WWOX: variants seen among roughly 807,000 people sequenced by gnomAD.
WWOX encodes the protein WW domain containing oxidoreductase, also known as WW domain-containing oxidoreductase.
In WWOX, 69 loss-of-function variants were observed where a neutral mutation model predicts 46.2. The observed-to-expected ratio is 1.49, with a 90% CI of 1.23 to 1.82. WWOX has a LOEUF of 1.82. WWOX is among the 40% of genes most tolerant of loss of function. The pLI, the probability that WWOX is intolerant of heterozygous loss-of-function variation, is 0.00. For missense variants in WWOX, 919 were observed against 542.6 expected, an observed-to-expected ratio of 1.69 and a Z score of -6.89; for synonymous variants, 359 against 202.6, an observed-to-expected ratio of 1.77 and a Z score of -6.56.
chr16:79,069,359 TG>T (rs1301669758), intron 8 of WWOX, among the ~76,000 whole-genome samples: 1 of 152,210 alleles, frequency 6.6e-6, no homozygotes, highest in East Asian at 1.9e-4. Context: ...GCCCAGTGAT[TG>T]GGAACAAATT....
At chr16:79,138,043 G>C (rs950831666) in intron 8 of WWOX, among the ~76,000 whole-genome samples, 1 of 152,202 alleles carries the variant, frequency 6.6e-6, no homozygotes, top group Non-Finnish European at 1.5e-5. Flanking sequence ...CATGGACCCT[G>C]TGGGTTCTTG....
chr16:79,046,962 C>T (rs947855880), intron 8 of WWOX, among the ~76,000 whole-genome samples: 1 of 152,144 alleles, frequency 6.6e-6, no homozygotes, highest in East Asian at 1.9e-4. Context: ...GTAAAAGTAA[C>T]CCCCAGCCTG....
At chr16:79,171,543 G>A (rs544606473) in intron 8 of WWOX, among the ~76,000 whole-genome samples, 79 of 152,224 alleles carry the variant, frequency 5.2e-4, no homozygotes, top group African/African-American at 1.7e-3. Context: ...AAATAAGAAT[G>A]GTAGCCCCCA....
At chr16:78,520,856 T>C (rs1382484844) in intron 8 of WWOX, among the ~76,000 whole-genome samples, 1 of 152,162 alleles carries the variant, frequency 6.6e-6, no homozygotes, top group Non-Finnish European at 1.5e-5. Context: ...GAGCCTTGGT[T>C]GTATCTTATA....
chr16:78,498,214 A>AAAATAAAAAAG lies in WWOX; in HGVS notation c.1056+65465_1056+65466insTAAAAAAGAAA, dbSNP rs771142388. 2.3e-4 allele frequency among the ~76,000 whole-genome samples: 30 copies of AAAATAAAAAAG among 128,216 alleles called. 3 individuals are homozygous for AAAATAAAAAAG. The highest frequency in any genetic ancestry group is 7.7e-4 in the African/African-American group (28 of 36,164). 84.1% of individuals were successfully genotyped at this position (128,216 alleles called of 152,430 possible). ...AGCAAGACTCCATCTCAAAAAAAAA[A>AAAATAAAAAAG]AAAAGAAAAAAAAGCATCAGGGTTG... On this transcript the variant is annotated intron_variant, in intron 8 of 8. Coordinates refer to ENST00000566780, the MANE Select transcript of WWOX (RefSeq NM_016373.4).
chr16:78,905,999 G>A (rs1287342056), intron 8 of WWOX, among the ~76,000 whole-genome samples: 1 of 152,164 alleles, frequency 6.6e-6, no homozygotes, highest in Non-Finnish European at 1.5e-5. Flanking sequence ...GTAATATTTT[G>A]ATAAGTATTT....
At chr16:78,928,738 T>A (rs916156932) in intron 8 of WWOX, among the ~76,000 whole-genome samples, 1 of 152,204 alleles carries the variant, frequency 6.6e-6, no homozygotes, top group African/African-American at 2.4e-5. Flanking sequence ...TTTATGGACC[T>A]GCATTGCTGT....
intron 8 of WWOX, among the ~76,000 whole-genome samples, chr16:78,437,617 G>A (rs778589769): frequency 2.0e-5 from 3 of 152,156 alleles, no homozygotes; most frequent in Non-Finnish European, 4.4e-5. Flanking sequence ...GTATTGGGGC[G>A]TCCTGGGAGG....
At chr16:78,904,775 C>T (rs936675802) in intron 8 of WWOX, among the ~76,000 whole-genome samples, 6 of 152,174 alleles carry the variant, frequency 3.9e-5, no homozygotes, top group African/African-American at 4.8e-5. Flanking sequence ...CTAAAATTCT[C>T]GGGCCTTTGC....
At chr16:78,501,193 C>CTCTCTTTTTTT (rs1567609023) in intron 8 of WWOX, among the ~76,000 whole-genome samples, 16 of 90,938 alleles carry the variant, frequency 1.8e-4, no homozygotes, top group East Asian at 3.5e-4. Flanking sequence ...CTTTCTTTCT[C>CTCTCTTTTTTT]TTTTTTTTTT....
In WWOX at chr16:78,529,044, C is replaced by G. The variant is rs1169617304; in HGVS notation, c.1056+96292C>G. ...TCTTGGCTTACTATAGCCTTGACCTCTCTGGCTCCAGTGATCCTCCCACCT... is the reference window on the plus strand; with the variant it reads ...TCTTGGCTTACTATAGCCTTGACCTGTCTGGCTCCAGTGATCCTCCCACCT... On this transcript the variant is annotated intron_variant, in intron 8 of 8. Transcript: ENST00000566780. Among the ~76,000 whole-genome samples the G allele has an allele frequency of 2.0e-5, 3 of 150,320 alleles. No homozygotes were observed. In the East Asian group the frequency reaches 5.9e-4, roughly 29 times the overall value.
intron 5 of WWOX, among the ~76,000 whole-genome samples, chr16:78,205,058 G>A (rs2036349348): frequency 6.6e-6 from 1 of 152,154 alleles, no homozygotes; most frequent in African/African-American, 2.4e-5. Flanking sequence ...ATGAACATGG[G>A]GCTTAAATCA....
At chr16:79,124,579 G>C (rs958676416) in intron 8 of WWOX, among the ~76,000 whole-genome samples, 1 of 152,088 alleles carries the variant, frequency 6.6e-6, no homozygotes, top group Middle Eastern at 3.2e-3. Flanking sequence ...CCATGGCCCT[G>C]TCCCAGCCAT....
At chr16:78,847,121 C>G (rs1024578976) in intron 8 of WWOX, among the ~76,000 whole-genome samples, 1 of 152,176 alleles carries the variant, frequency 6.6e-6, no homozygotes, top group Non-Finnish European at 1.5e-5. Flanking sequence ...ACTTCCCTGC[C>G]TCAGTCTTGG....
chr16:78,939,730 C>G (rs764528124), intron 8 of WWOX, among the ~76,000 whole-genome samples: 2 of 152,170 alleles, frequency 1.3e-5, no homozygotes, highest in African/African-American at 4.8e-5. Flanking sequence ...TGGGAAAAAT[C>G]CCCATTTCTG....
At chr16:78,176,720 A>G (rs1405119561) in intron 5 of WWOX, among the ~76,000 whole-genome samples, 1 of 152,228 alleles carries the variant, frequency 6.6e-6, no homozygotes, top group Admixed American at 6.5e-5. Context: ...CTGAACTTTA[A>G]TTACTTGGAA....
chr16:78,516,698 A>G (rs770084981), intron 8 of WWOX, among the ~76,000 whole-genome samples: 5 of 152,164 alleles, frequency 3.3e-5, no homozygotes, highest in Non-Finnish European at 7.3e-5. Flanking sequence ...CACAGGCAAA[A>G]GTCCAGCTGA....
intron 8 of WWOX, among the ~76,000 whole-genome samples, chr16:78,854,147 C>G (rs1391973501): frequency 2.6e-5 from 4 of 152,098 alleles, no homozygotes; most frequent in South Asian, 2.1e-4. Context: ...CATTTCGCAT[C>G]TTGATATTTT....
chr16:78,698,939 T>A (rs2048155700), intron 8 of WWOX, among the ~76,000 whole-genome samples: 1 of 152,212 alleles, frequency 6.6e-6, no homozygotes, highest in South Asian at 2.1e-4. Context: ...CTGTAATGAT[T>A]ATCATTTGTA....
Sources: gnomAD v4.1 joint callset for allele counts (sites outside exome capture counted in the v4.1 genomes callset) on GRCh38, gnomAD v4.1.1 for gene constraint, MANE v1.5 for transcripts, NCBI Gene and HGNC (gene_info 2026-07-23, HGNC 2026-07-21) for gene names.